TRMT11: variants seen among roughly 807,000 people sequenced by gnomAD.
TRMT11 encodes tRNA methyltransferase 11.
In TRMT11, 53 loss-of-function variants were observed where a neutral mutation model predicts 62.8. The observed-to-expected ratio is 0.84, with a 90% CI of 0.68 to 1.06. The LOEUF is 1.06. TRMT11 is among the 50% of genes least tolerant of loss of function. TRMT11 has a pLI of 0.00. For missense variants in TRMT11, 556 were observed against 553.4 expected, an observed-to-expected ratio of 1.00 and a Z score of -0.05; for synonymous variants, 188 against 190.3, an observed-to-expected ratio of 0.99 and a Z score of 0.10.
chr6:126,081,386 T>C (rs1201121442), intron 17 of TRMT11, among the ~76,000 whole-genome samples: 2 of 152,154 alleles, frequency 1.3e-5, no homozygotes, highest in Non-Finnish European at 2.9e-5. Context: ...CACAGAGAAA[T>C]TGATTAGCTT....
At chr6:126,157,759 C>G (rs1220465815) in intron 21 of TRMT11, among the ~76,000 whole-genome samples, 1 of 152,186 alleles carries the variant, frequency 6.6e-6, no homozygotes, top group Admixed American at 6.5e-5. Context: ...CTATTAATGA[C>G]TGTATAGTTT....
At chr6:126,151,697 A>G (rs146509949) in intron 21 of TRMT11, among the ~76,000 whole-genome samples, 1 of 149,940 alleles carries the variant, frequency 6.7e-6, no homozygotes, top group Non-Finnish European at 1.5e-5. Context: ...CCACCCTTTT[A>G]TTCACCCCTT....
chr6:125,999,721 T>A, intron 7 of TRMT11, 108 bp downstream of exon 7: 1 of 1,011,858 alleles, frequency 9.9e-7, no homozygotes, highest in Non-Finnish European at 1.4e-6. Context: ...CTTTTAATTG[T>A]GTTTGGATAG....
At chr6:126,222,241 C>T in the TRMT11 span, among the ~76,000 whole-genome samples, 4,088 of 152,174 alleles carry the variant, frequency 0.027, 166 homozygotes, top group African/African-American at 0.092. Context: ...AGTTAGGTAA[C>T]GTGATGCCTC....
At chr6:126,035,198 G>A (rs1023654168) in intron 12 of TRMT11, among the ~76,000 whole-genome samples, 2 of 152,080 alleles carry the variant, frequency 1.3e-5, no homozygotes, top group African/African-American at 4.8e-5. Context: ...ATGATTATAT[G>A]TGATATGTGT....
intron 1 of TRMT11, among the ~76,000 whole-genome samples, chr6:126,181,608 G>A (rs147686301): frequency 6.6e-6 from 1 of 152,278 alleles, no homozygotes; most frequent in East Asian, 1.9e-4. Context: ...ATTGCCCAAG[G>A]TGAACTCTGA....
intron 7 of TRMT11, among the ~76,000 whole-genome samples, chr6:126,004,508 A>C (rs1793040610): frequency 6.6e-6 from 1 of 152,060 alleles, no homozygotes; most frequent in Non-Finnish European, 1.5e-5. Context: ...ATAATTGTGA[A>C]TAGACACAGG....
intron 16 of TRMT11, among the ~76,000 whole-genome samples, chr6:126,045,370 T>C (rs1296622518): frequency 6.6e-6 from 1 of 152,154 alleles, no homozygotes; most frequent in East Asian, 1.9e-4. Flanking sequence ...GAGGATGGGA[T>C]GCTGACAGAC....
At chr6:126,211,979 T>C in the TRMT11 span, among the ~76,000 whole-genome samples, 2 of 152,314 alleles carry the variant, frequency 1.3e-5, no homozygotes, top group East Asian at 3.9e-4. Context: ...AAGAGTTCAA[T>C]TGCTTTAATT....
chr6:126,074,981 A>T (rs1455170214), intron 17 of TRMT11, among the ~76,000 whole-genome samples: 1 of 152,180 alleles, frequency 6.6e-6, no homozygotes, highest in Non-Finnish European at 1.5e-5. Context: ...ATTTTTTAAA[A>T]ATAATAGTTG....
intron 1 of TRMT11, among the ~76,000 whole-genome samples, chr6:126,187,764 A>G (rs10046120): frequency 0.12 from 17,445 of 151,346 alleles, 3,386 homozygotes; most frequent in African/African-American, 0.4. Context: ...GATGGGGTAA[A>G]GATAGATTAA....
chr6:126,004,561 G>T (rs1016366234), intron 7 of TRMT11, among the ~76,000 whole-genome samples: 4 of 151,912 alleles, frequency 2.6e-5, no homozygotes, highest in Non-Finnish European at 5.9e-5. Context: ...TTGCCTCATC[G>T]ATGGGTGGTA....
chr6:126,013,516 C>G (rs1305508915), intron 11 of TRMT11, among the ~76,000 whole-genome samples: 4 of 152,186 alleles, frequency 2.6e-5, no homozygotes, highest in African/African-American at 9.7e-5. Flanking sequence ...CTGCCTCAGC[C>G]TCCTGAAGTG....
chr6:126,215,742 GT>G, the TRMT11 span, among the ~76,000 whole-genome samples: 1 of 151,562 alleles, frequency 6.6e-6, no homozygotes, highest in African/African-American at 2.4e-5. Context: ...TTTGGTATGT[GT>G]TGCATTTTTT....
chr6:126,014,023 T>C (rs919769461), intron 11 of TRMT11, among the ~76,000 whole-genome samples: 1 of 152,230 alleles, frequency 6.6e-6, no homozygotes, highest in Non-Finnish European at 1.5e-5. Flanking sequence ...GCTGTGCATA[T>C]ATTTAAAGCC....
intron 16 of TRMT11, among the ~76,000 whole-genome samples, chr6:126,045,805 G>A (rs1351656981): frequency 6.6e-6 from 1 of 152,136 alleles, no homozygotes; most frequent in Non-Finnish European, 1.5e-5. Flanking sequence ...CATCATGGTT[G>A]TTAAGGAACA....
At chr6:126,028,306 G>A (rs1255997293) in intron 12 of TRMT11, among the ~76,000 whole-genome samples, 2 of 152,092 alleles carry the variant, frequency 1.3e-5, no homozygotes, top group Admixed American at 6.5e-5. Context: ...AGAAAAACAA[G>A]GCATGGTGAC....
At chr6:126,021,407 A>T (rs1795790765) in intron 12 of TRMT11, 127 bp downstream of exon 12, 2 of 1,148,516 alleles carry the variant, frequency 1.7e-6, no homozygotes, top group Admixed American at 4.8e-5. Context: ...AGATCAATTT[A>T]GGAAGAGGCA....
chr6:126,093,273 G>T (rs1376479084), intron 17 of TRMT11, among the ~76,000 whole-genome samples: 1 of 151,812 alleles, frequency 6.6e-6, no homozygotes, highest in Non-Finnish European at 1.5e-5. Flanking sequence ...CTATCACATT[G>T]CTTAATATGA....
Sources: allele counts gnomAD v4.1 joint callset (sites outside exome capture counted in the v4.1 genomes callset), GRCh38; gene constraint gnomAD v4.1.1; transcripts MANE v1.5; gene names NCBI Gene and HGNC (gene_info 2026-07-23, HGNC 2026-07-21).